The following ABCB11 variants were observed in gnomAD, a reference collection of about 807,000 sequenced individuals.
ABCB11 encodes bile salt export pump.
In ABCB11, 95 loss-of-function variants were observed where a neutral mutation model predicts 148.0. The ratio of observed to expected loss-of-function variants is 0.64; its 90% CI spans 0.54 to 0.76. The LOEUF (loss-of-function observed/expected upper bound fraction) is 0.76. ABCB11 is among the 30% of genes least tolerant of loss of function. The pLI, the probability that ABCB11 is intolerant of heterozygous loss-of-function variation, is 0.00. For missense variants in ABCB11, 1,523 were observed against 1,617.8 expected (o/e 0.94, Z 1.01); for synonymous variants, 591 against 555.4 (o/e 1.06, Z -0.90).
chr2:168,986,540 C>T (rs1694334196), intron 9 of ABCB11, among the ~76,000 whole-genome samples: 1 of 152,038 alleles, frequency 6.6e-6, no homozygotes, highest in Non-Finnish European at 1.5e-5. Context: ...GTGAGGTAAG[C>T]TTGGCCCCAA....
At chr2:168,966,085 T>C (rs1693304020) in intron 17 of ABCB11, among the ~76,000 whole-genome samples, 1 of 151,804 alleles carries the variant, frequency 6.6e-6, no homozygotes, top group Admixed American at 6.6e-5. Context: ...CCCTCCCACC[T>C]AGCCTGAAAC....
chr2:168,964,093 G>C (rs1434554878), intron 18 of ABCB11, 113 bp downstream of exon 18: 3 of 689,364 alleles, frequency 4.4e-6, no homozygotes, highest in Non-Finnish European at 7.3e-6. Flanking sequence ...AGTCTGACTT[G>C]AAACACTGCT....
At chr2:168,919,445 A>G (rs987547771), downstream of ABCB11, among the ~76,000 whole-genome samples, 1 of 152,058 alleles carries the variant, frequency 6.6e-6, no homozygotes, top group Non-Finnish European at 1.5e-5. Flanking sequence ...TCTGGGGGAC[A>G]TTCCTCTCAG....
chr2:168,975,717 G>A lies in ABCB11; in HGVS notation c.1308+860C>T, dbSNP rs572643311. On this transcript the variant is annotated intron_variant, in intron 12 of 27. Transcript: ENST00000650372. ...TTATATATATGTTTACCTTCTCTCT[G>A]TATATATTCATATATTCAAAGAGAG... Among the ~76,000 whole-genome samples the A allele has an allele frequency of 3.5e-3, 489 of 137,912 alleles. 121 individuals carry two copies. Among genetic ancestry groups the A allele is most frequent in the African/African-American group, 0.012 (444 of 37,080 alleles). The allele number at this position is 137,912 out of a possible 152,430, so 90.5% of individuals were successfully genotyped here.
At chr2:168,939,292 A>C (rs1246338640) in intron 21 of ABCB11, among the ~76,000 whole-genome samples, 1 of 152,044 alleles carries the variant, frequency 6.6e-6, no homozygotes, top group Non-Finnish European at 1.5e-5. Context: ...TTGAAAAGCA[A>C]CTCTAAAGTT....
At chr2:168,967,710 A>G (rs1240791729) in intron 17 of ABCB11, among the ~76,000 whole-genome samples, 1 of 151,904 alleles carries the variant, frequency 6.6e-6, no homozygotes, top group African/African-American at 2.4e-5. Context: ...AATCTTGAAT[A>G]ACAGTTATAA....
chr2:168,924,806 G>GA lies in ABCB11; in HGVS notation c.3619-4dup. 2 of 1,605,338 alleles carry GA rather than the reference G, an allele frequency of 1.2e-6. No homozygotes were observed. The highest frequency in any genetic ancestry group is 8.5e-7 in the Non-Finnish European group (1 of 1,176,698). On this transcript the variant is annotated splice_region_variant and splice_polypyrimidine_tract_variant and intron_variant, in intron 26 of 27. Transcript: ENST00000650372. The stretch of plus-strand genomic sequence containing the variant: ...GACCCAACGTTAGTTTCATATTTCT[G>GA]AAAAAAAGTATGATAAGTTTGAGAA...
Position 168,968,460 on chromosome 2 carries a change from G to T in ABCB11, c.2042C>A (p.Thr681Asn), listed in dbSNP as rs1240961419. The T allele has an allele frequency of 6.2e-7, 1 of 1,611,130 alleles. No individual in the cohort carries two copies. Among genetic ancestry groups the T allele is most frequent in the Non-Finnish European group, 8.5e-7 (1 of 1,178,448 alleles). ...ATCCTGGTAGCTCCCTCTGCTAAAGGTCCTCGCAAGCATGTCATCTTCAGT... is the reference window on the plus strand; with the variant it reads ...ATCCTGGTAGCTCCCTCTGCTAAAGTTCCTCGCAAGCATGTCATCTTCAGT... ...DATEDDMLAR[T>N]FSRGSYQDSL... The change falls in exon 17 of 28, where the codon ACC becomes AAC. Residue 681 changes from threonine (T) to asparagine (N), a missense_variant. Thr to Asn is a moderately conservative substitution (Grantham distance 65). Coordinates refer to ENST00000650372, the MANE Select transcript of ABCB11 (RefSeq NM_003742.4).
At chr2:168,996,852 C>A (rs1473840035) in intron 5 of ABCB11, 130 bp from the exon 6 acceptor site, 4 of 238,152 alleles carry the variant, frequency 1.7e-5, no homozygotes, top group Admixed American at 5.6e-5. Context: ...AATAAATATA[C>A]TATATATAGT....
chr2:168,973,105 A>G (rs1460476988), intron 13 of ABCB11, among the ~76,000 whole-genome samples: 1 of 152,026 alleles, frequency 6.6e-6, no homozygotes, highest in Non-Finnish European at 1.5e-5. Flanking sequence ...GTGTCTGGAG[A>G]ACTTAAGGAC....
intron 1 of ABCB11, among the ~76,000 whole-genome samples, chr2:169,021,688 T>C (rs1353136160): frequency 6.6e-6 from 1 of 152,080 alleles, no homozygotes; most frequent in East Asian, 1.9e-4. Context: ...AGTTGAACTT[T>C]CTAAGTAAAA....
chr2:169,029,724 C>CTTTTT lies in ABCB11; in HGVS notation c.-28+1496_-28+1500dup, dbSNP rs1166356679. Among the ~76,000 whole-genome samples the CTTTTT allele has an allele frequency of 2.8e-3, 246 of 88,300 alleles. 27 individuals are homozygous for CTTTTT. The highest frequency in any genetic ancestry group is 0.011 in the African/African-American group (189 of 17,428). The allele number at this position is 88,300 out of a possible 152,430, so 57.9% of individuals were successfully genotyped here. A position where few individuals can be genotyped will look rare whatever the true frequency, so the allele number is the denominator to read the frequency against. The stretch of plus-strand genomic sequence containing the variant: ...GTCTCTAAATGTACAGTTCTTTCCT[C>CTTTTT]TTTTTTTTTTTTTTTTTTTTTTTTT... On this transcript the variant is annotated intron_variant, in intron 1 of 27. Transcript: ENST00000650372.
chr2:168,976,367 C>T (rs1321726023), intron 12 of ABCB11, among the ~76,000 whole-genome samples: 1 of 152,232 alleles, frequency 6.6e-6, no homozygotes, highest in East Asian at 1.9e-4. Flanking sequence ...GTGTCCCAAC[C>T]AGGGGATTTG....
In ABCB11 at chr2:168,968,462, C is replaced by G; in HGVS notation, c.2040G>C (p.Arg680Ser). 3 of 1,611,128 alleles carry G rather than the reference C, an allele frequency of 1.9e-6. No homozygotes were observed. The highest frequency in any genetic ancestry group is 2.5e-6 in the Non-Finnish European group (3 of 1,178,428). Reference sequence around the variant, plus strand: ...CCTGGTAGCTCCCTCTGCTAAAGGTCCTCGCAAGCATGTCATCTTCAGTTG... The same window carrying G: ...CCTGGTAGCTCCCTCTGCTAAAGGTGCTCGCAAGCATGTCATCTTCAGTTG... The part of the protein sequence containing the change: ...KDATEDDMLA[R>S]TFSRGSYQDS... Residue 680 changes from arginine to serine, a missense_variant, in exon 17 of 28, where the codon AGG becomes AGC. Physicochemically the swap from Arg to Ser is moderately radical, Grantham distance 110. Coordinates refer to ENST00000650372, the MANE Select transcript of ABCB11 (RefSeq NM_003742.4).
At chr2:169,024,501 T>A (rs977081315) in intron 1 of ABCB11, among the ~76,000 whole-genome samples, 8 of 68,648 alleles carry the variant, frequency 1.2e-4, no homozygotes, top group African/African-American at 2.7e-4. Flanking sequence ...CACACCCAGT[T>A]ATTAATGTCT....
At chr2:169,010,107 G>C (rs1208413179) in intron 5 of ABCB11, among the ~76,000 whole-genome samples, 2 of 152,142 alleles carry the variant, frequency 1.3e-5, no homozygotes, top group Admixed American at 6.5e-5. Flanking sequence ...CACTTGTTTA[G>C]ACTCCTTCCA....
At chr2:168,995,062 T>C (rs1694669429) in intron 7 of ABCB11, among the ~76,000 whole-genome samples, 1 of 152,018 alleles carries the variant, frequency 6.6e-6, no homozygotes, top group Non-Finnish European at 1.5e-5. Context: ...TAAATCCAGT[T>C]ACACCTGGAC....
rs1167731334 is a variant in ABCB11, at chr2:169,016,771, C to T, written c.98+7G>A. On this transcript the variant is annotated splice_region_variant and intron_variant, in intron 3 of 27. Coordinates refer to ENST00000650372, the MANE Select transcript of ABCB11 (RefSeq NM_003742.4). ...AAGATGCTGCATTGTTGAAATCAGT[C>T]ACTTACCTTGATTTCTTATCATTAT... The T allele has an allele frequency of 6.3e-7, 1 of 1,596,244 alleles. No individual in the cohort carries two copies. The highest frequency in any genetic ancestry group is 8.6e-7 in the Non-Finnish European group (1 of 1,169,172).
intron 5 of ABCB11, among the ~76,000 whole-genome samples, chr2:169,000,042 T>C (rs1694825957): frequency 6.6e-6 from 1 of 152,118 alleles, no homozygotes; most frequent in Non-Finnish European, 1.5e-5. Flanking sequence ...TAATATCTCA[T>C]TTTGATTTAA....
Sources: gnomAD v4.1 joint callset for allele counts (sites outside exome capture counted in the v4.1 genomes callset) on GRCh38, gnomAD v4.1.1 for gene constraint, MANE v1.5 for transcripts, NCBI Gene and HGNC (gene_info 2026-07-23, HGNC 2026-07-21) for gene names.